SCART1: variants seen among roughly 807,000 people sequenced by gnomAD.
The protein encoded by SCART1 is scavenger receptor family member expressed on T cells 1, also known as scavenger receptor cysteine-rich domain-containing protein SCART1.
A neutral mutation model predicts 36.2 loss-of-function variants in SCART1; 62 were observed. The observed-to-expected ratio is 1.71, with a 90% confidence interval of 1.40 to 2.12. The LOEUF (loss-of-function observed/expected upper bound fraction) is 2.12, where lower values mean the gene tolerates loss of function less well. Ranked by LOEUF, SCART1 falls within the 30% of genes most tolerant of loss-of-function variation. The pLI, the probability that SCART1 is intolerant of heterozygous loss-of-function variation, is 0.00. For missense variants in SCART1, 1,041 were observed against 540.5 expected (o/e 1.93, Z -9.18); for synonymous variants, 487 against 238.7 (o/e 2.04, Z -9.59).
intron 6 of SCART1, among the ~76,000 whole-genome samples, chr10:133,462,429 T>C (rs1007185736): frequency 6.6e-6 from 1 of 152,202 alleles, no homozygotes; most frequent in African/African-American, 2.4e-5. Context: ...TTTGAGAGAA[T>C]GAGATATAAA....
chr10:133,466,984 G>A (rs1850771251), intron 10 of SCART1: 1 of 480,910 alleles, frequency 2.1e-6, no homozygotes, highest in East Asian at 3.4e-5. Flanking sequence ...GGGCCCACTG[G>A]GAAGCATCAT....
exon 10 of SCART1, chr10:133,466,350 T>C (rs1404155888): frequency 1.4e-6 from 1 of 703,016 alleles, no homozygotes; most frequent in Non-Finnish European, 2.6e-6. Context: ...CTTTTCTGAT[T>C]CTGCCTCGAG....
chr10:133,457,530 C>T (rs1018427255), exon 3 of SCART1: 14 of 702,308 alleles, frequency 2.0e-5, no homozygotes, highest in Middle Eastern at 2.3e-4. Context: ...CAACAACTTC[C>T]GCAGCGGCTG....
chr10:133,466,615 T>TTGGATGGCCTCTAGCTGAGACGG (rs1850768483), intron 10 of SCART1, among the ~76,000 whole-genome samples: 1 of 152,240 alleles, frequency 6.6e-6, no homozygotes, highest in African/African-American at 2.4e-5. Flanking sequence ...TGTCCATGCC[T>TTGGATGGCCTCTAGCTGAGACGG]TGGATGGCCT....
chr10:133,467,750 C>T, intron 11 of SCART1, 97 bp from the exon 12 acceptor site: 1 of 552,708 alleles, frequency 1.8e-6, no homozygotes, highest in Non-Finnish European at 3.3e-6. Context: ...TTCTGGTTGA[C>T]ATGTTTATGC....
chr10:133,454,988 C>A (rs1030582764), intron 1 of SCART1, among the ~76,000 whole-genome samples: 5 of 152,100 alleles, frequency 3.3e-5, no homozygotes, highest in African/African-American at 1.2e-4. Context: ...CTATTCATAG[C>A]GGGCGTGGTG....
At chr10:133,455,021 C>G (rs1190860477) in intron 1 of SCART1, among the ~76,000 whole-genome samples, 1 of 152,128 alleles carries the variant, frequency 6.6e-6, no homozygotes, top group African/African-American at 2.4e-5. Flanking sequence ...AATCCCAGCA[C>G]TTTGGGAGGC....
At chr10:133,469,222 G>C (rs1850792481), downstream of SCART1, 1 of 152,064 alleles carries the variant, frequency 6.6e-6, no homozygotes, top group Non-Finnish European at 1.5e-5. Context: ...CTTTTTGATG[G>C]GGTTGTTTGC....
chr10:133,460,852 C>T (rs1294205024), intron 6 of SCART1, among the ~76,000 whole-genome samples: 1 of 151,868 alleles, frequency 6.6e-6, no homozygotes, highest in Non-Finnish European at 1.5e-5. Context: ...CATCCTCCTG[C>T]CTCAGCCTCC....
intron 11 of SCART1, 56 bp from the exon 12 acceptor site, chr10:133,467,790 GC>G: frequency 1.6e-6 from 1 of 611,340 alleles, no homozygotes; most frequent in Non-Finnish European, 3.0e-6. Flanking sequence ...TGCCAAATGT[GC>G]TCTGGGGACA....
exon 6 of SCART1, chr10:133,459,827 C>G (rs961211478): frequency 1.2e-5 from 7 of 581,774 alleles, no homozygotes; most frequent in African/African-American, 5.9e-5. Context: ...CCGCGTCCCC[C>G]ATGGCCCGTC....
At chr10:133,469,525 TA>T (rs1361313604), downstream of SCART1, among the ~76,000 whole-genome samples, 2 of 151,422 alleles carry the variant, frequency 1.3e-5, no homozygotes, top group African/African-American at 4.9e-5. Flanking sequence ...TTCTCACTCA[TA>T]AGTGGGAGTT....
In SCART1 at chr10:133,459,081, G is replaced by T. The variant is rs189744278; in HGVS notation, c.1040G>T (p.Gly347Val). 362 of 702,274 alleles carry T rather than the reference G, an allele frequency of 5.2e-4. 5 individuals carry two copies. In the Admixed American group the frequency reaches 7.0e-3, roughly 14 times the overall value. The allele number at this position is 702,274 out of a possible 1,614,324, so 43.5% of individuals were successfully genotyped here. A position where few individuals can be genotyped will look rare whatever the true frequency, so the allele number is the denominator to read the frequency against. Residue 347 changes from glycine to valine, a missense_variant, in exon 5 of 12, where the codon GGG becomes GTG. Physicochemically the swap from Gly to Val is moderately radical, Grantham distance 109 (BLOSUM62 -3). Transcript: ENST00000640237. Reference sequence around the variant, plus strand: ...GGCCGCGTGGAGTTCCAGGTGCAGGGGTCCTGGGCACCCCTCTGTGCCACC... The same window carrying T: ...GGCCGCGTGGAGTTCCAGGTGCAGGTGTCCTGGGCACCCCTCTGTGCCACC...
At position 133,455,597 on chromosome 10, in the gene SCART1, G is replaced by A. The variant is rs79847938; in HGVS notation, c.68-640G>A. Among the ~76,000 whole-genome samples the A allele has an allele frequency of 7.3e-3, 1,105 of 152,128 alleles. 16 individuals carry two copies. The highest frequency in any genetic ancestry group is 0.025 in the African/African-American group (1,049 of 41,468). On this transcript the variant is annotated intron_variant, in intron 1 of 11. Transcript: ENST00000640237. ...TTCCTCGGGGTGGCTGTGTTGATGT[G>A]GGGTTGCAGAGGCCTGGAGAGGGTG...
chr10:133,465,119 C>T (rs1208468802), exon 8 of SCART1: 2 of 702,948 alleles, frequency 2.8e-6, no homozygotes, highest in African/African-American at 1.7e-5. Flanking sequence ...TGTCAGAGGA[C>T]AGGCCACAGG....
At chr10:133,464,539 C>G (rs927843173) in intron 6 of SCART1, 67 bp from the exon 7 acceptor site, 3 of 608,384 alleles carry the variant, frequency 4.9e-6, no homozygotes, top group Non-Finnish European at 8.8e-6. Context: ...GCTTAGCCCC[C>G]TCCTTCTGAG....
At chr10:133,458,137 G>A in intron 3 of SCART1, 1 of 693,608 alleles carries the variant, frequency 1.4e-6, no homozygotes, top group Non-Finnish European at 2.6e-6. Context: ...CCTGCAGCAG[G>A]TGACCCTGAC....
At chr10:133,458,479 G>C (rs549765689) in exon 4 of SCART1, 11 of 691,864 alleles carry the variant, frequency 1.6e-5, no homozygotes, top group Non-Finnish European at 2.9e-5. Flanking sequence ...GGTGTGCCGG[G>C]AGCTGCAGTG....
rs1850761216 is a variant in SCART1, at chr10:133,466,001, C to T, written c.2660-234C>T. 5.4e-5 allele frequency: 36 copies of T among 667,554 alleles called. No individual in the cohort carries two copies. In the South Asian group the frequency reaches 5.7e-4, roughly 11 times the overall value. 41.4% of individuals were successfully genotyped at this position (667,554 alleles called of 1,614,324 possible). ...ACTTGCCCTGGCATCTGCCTGGGGG[C>T]CATGTTTTACCAAGGAAGGGGGCTG... On this transcript the variant is annotated intron_variant, in intron 9 of 11. Transcript: ENST00000640237.
Sources: allele counts gnomAD v4.1 joint callset (sites outside exome capture counted in the v4.1 genomes callset), GRCh38; gene constraint gnomAD v4.1.1; transcripts MANE v1.5; gene names NCBI Gene and HGNC (gene_info 2026-07-23, HGNC 2026-07-21).